Variants in TTC14 observed in about 807,000 individuals in gnomAD.
TTC14 encodes the protein tetratricopeptide repeat protein 14.
Under a neutral mutation model 79.9 loss-of-function variants are expected in TTC14, and 63 were observed. The ratio of observed to expected loss-of-function variants is 0.79; its 90% CI spans 0.64 to 0.97. The LOEUF (loss-of-function observed/expected upper bound fraction) is 0.97. Among genes scored for constraint, TTC14 ranks in the 50% least tolerant of loss-of-function variants. The pLI is 0.00. For synonymous variants in TTC14, 335 were observed against 309.6 expected (o/e 1.08, Z -0.86); for missense variants, 895 against 894.0 (o/e 1.00, Z -0.01).
At chr3:180,602,549 T>G in intron 1 of TTC14, 127 bp downstream of exon 1, 3 of 1,280,248 alleles carry the variant, frequency 2.3e-6, no homozygotes, top group Non-Finnish European at 3.1e-6. Flanking sequence ...GATCGCGCGC[T>G]GGTGTCTTGG....
At chr3:180,614,855 C>T (rs1717170139), downstream of TTC14, 29 of 1,401,256 alleles carry the variant, frequency 2.1e-5, no homozygotes, top group South Asian at 8.1e-5. Context: ...TGTGTTGGGT[C>T]GTTTTGTATT....
chr3:180,616,192 C>T (rs1365628734), intron 12 of TTC14: 2 of 1,093,748 alleles, frequency 1.8e-6, no homozygotes, highest in African/African-American at 3.1e-5. Context: ...ATGGGCCTGC[C>T]TAACAGCTGC....
At chr3:180,611,561 GAAT>G (rs915419179), downstream of TTC14, among the ~76,000 whole-genome samples, 1 of 152,168 alleles carries the variant, frequency 6.6e-6, no homozygotes, top group African/African-American at 2.4e-5. Flanking sequence ...GTTTTACTAA[GAAT>G]AATAAATTCC....
exon 13 of TTC14, chr3:180,617,417 G>A (rs997835740): frequency 3.0e-6 from 2 of 669,136 alleles, no homozygotes; most frequent in Non-Finnish European, 5.4e-6. Flanking sequence ...CTATAAAACA[G>A]CCTCAGGCAG....
chr3:180,615,084 G>T (rs1452446429), downstream of TTC14: 4 of 1,512,800 alleles, frequency 2.6e-6, no homozygotes, highest in Non-Finnish European at 8.8e-7. Flanking sequence ...TGACCTAGAA[G>T]AAAAACCAGA....
Position 180,604,244 on chromosome 3 carries a change from A to G in TTC14, c.506A>G (p.Asp169Gly). The G allele has an allele frequency of 6.2e-7, 1 of 1,613,506 alleles. No individual in the cohort carries two copies. Among genetic ancestry groups the G allele is most frequent in the Non-Finnish European group, 8.5e-7 (1 of 1,179,678 alleles). ...TTACAGGCTCTTTGTCCCTTAAGAGATGTGCCTTCTCACAGTAACCATGGG... is the reference window on the plus strand; with the variant it reads ...TTACAGGCTCTTTGTCCCTTAAGAGGTGTGCCTTCTCACAGTAACCATGGG... The part of the protein sequence containing the change: ...LEITALCPLR[D>G]VPSHSNHGDP... The change falls in exon 4 of 12, where the codon GAT becomes GGT. Residue 169 changes from aspartate to glycine, a missense_variant. Transcript: ENST00000296015.
In TTC14 at chr3:180,610,290, A is replaced by C. The variant is rs1182900965; in HGVS notation, c.2061A>C (p.Lys687Asn). The C allele has an allele frequency of 4.3e-6, 7 of 1,613,702 alleles. No homozygotes were observed. The Admixed American group carries it at 1.0e-4, about 23-fold the overall frequency. Residue 687 changes from lysine (K) to asparagine (N), a missense_variant, in exon 12 of 12, where the codon AAA (lysine) becomes AAC (asparagine). By Grantham distance (94) the Lys-to-Asn change is moderately conservative. Transcript: ENST00000296015. ...YSWKSVEKYK[K>N]YAHSGSRDFS... is the part of the protein sequence containing the mutation. ...GGAAGTCAGTTGAGAAATACAAAAA[A>C]TACGCTCACTCTGGATCACGTGATT...
chr3:180,611,514 CAG>C (rs1336083869), downstream of TTC14, among the ~76,000 whole-genome samples: 1 of 152,186 alleles, frequency 6.6e-6, no homozygotes, highest in African/African-American at 2.4e-5. Flanking sequence ...ACCCCTTTCT[CAG>C]AGTCTGAATA....
chr3:180,616,665 A>G (rs1717256032), intron 12 of TTC14: 1 of 1,592,224 alleles, frequency 6.3e-7, no homozygotes, highest in African/African-American at 1.3e-5. Flanking sequence ...GTGTCTTTCA[A>G]AAGACGGATT....
chr3:180,610,388 A>T lies in TTC14; in HGVS notation c.2159A>T (p.Glu720Val), dbSNP rs1418874519. 2 of 1,613,914 alleles carry T rather than the reference A, an allele frequency of 1.2e-6. No individual in the cohort carries two copies. The highest frequency in any genetic ancestry group is 1.7e-6 in the Non-Finnish European group (2 of 1,179,906). Residue 720 changes from glutamate to valine, a missense_variant, in exon 12 of 12, where the codon GAG becomes GTG. Transcript: ENST00000296015. Reference protein sequence around the residue: ...GEYEREDNYGEDIKTEVPEED... With the variant: ...GEYEREDNYGVDIKTEVPEED... ...TATGAAAGAGAGGACAATTATGGGG[A>T]GGATATCAAAACAGAGGTTCCAGAA...
chr3:180,608,750 A>C lies in TTC14; in HGVS notation c.1340A>C (p.Lys447Thr), dbSNP rs145306463. Residue 447 changes from lysine (K) to threonine (T), a missense_variant, in exon 11 of 12, where the codon AAA (lysine) becomes ACA (threonine). By Grantham distance (78) the Lys-to-Thr change is moderately conservative. Transcript: ENST00000296015. ...CAAGCTGAAAAGGAAGAAAAGCAGA[A>C]AACAAAGAAAATAGAAACAAGTGCA... ...EKQAEKEEKQKTKKIETSAEK... is the reference protein window; with the variant it reads ...EKQAEKEEKQTTKKIETSAEK... 6.3e-5 allele frequency: 98 copies of C among 1,562,104 alleles called. 1 individual carries two copies. The African/African-American group carries it at 1.3e-3, about 20-fold the overall frequency.
In TTC14 at chr3:180,606,258, A is replaced by C. The variant is rs1272932292; in HGVS notation, c.935A>C (p.Lys312Thr). ...TTTACAAATGTCTTTTTTAGTGTGA[A>C]GATCGGAGTTGACTATTTTAAAGTT... ...QSASWALKCV[K>T]IGVDYFKVGR... The change falls in exon 8 of 12, where the codon AAG (lysine) becomes ACG (threonine). Residue 312 changes from lysine (K) to threonine (T), a missense_variant. Physicochemically the swap from Lys to Thr is moderately conservative, Grantham distance 78 (BLOSUM62 -1). Transcript: ENST00000296015. 6.2e-6 allele frequency: 10 copies of C among 1,613,632 alleles called. No homozygotes were observed. Among genetic ancestry groups the C allele is most frequent in the Non-Finnish European group, 8.5e-6 (10 of 1,179,878 alleles).
Position 180,610,209 on chromosome 3 carries a change from G to T in TTC14, c.1980G>T (p.Arg660Ser), listed in dbSNP as rs546714396. The change falls in exon 12 of 12, where the codon AGG (arginine) becomes AGT (serine). Residue 660 changes from arginine (R) to serine (S), a missense_variant. Transcript: ENST00000296015. ...DIEGRKEHYRRWEPGSVRHST... is the reference protein window; with the variant it reads ...DIEGRKEHYRSWEPGSVRHST... ...AGGGAAGAAAAGAGCACTATAGAAG[G>T]TGGGAACCAGGTTCTGTGAGGCATT... 5 of 1,613,986 alleles carry T rather than the reference G, an allele frequency of 3.1e-6. No homozygotes were observed. Among genetic ancestry groups the T allele is most frequent in the Non-Finnish European group, 4.2e-6 (5 of 1,179,922 alleles).
At chr3:180,617,388 T>C (rs1264351007) in exon 13 of TTC14, 1 of 634,024 alleles carries the variant, frequency 1.6e-6, no homozygotes, top group Admixed American at 2.3e-5. Context: ...AGTGTACTCC[T>C]ATTTATTTAA....
In TTC14 at chr3:180,610,220, G is replaced by A; in HGVS notation, c.1991G>A (p.Gly664Asp). 2 of 1,613,970 alleles carry A rather than the reference G, an allele frequency of 1.2e-6. No individual in the cohort carries two copies. The highest frequency in any genetic ancestry group is 1.7e-6 in the Non-Finnish European group (2 of 1,179,926). The change falls in exon 12 of 12, where the codon GGT becomes GAT. Residue 664 changes from glycine (G) to aspartate (D), a missense_variant. Transcript: ENST00000296015. ...RKEHYRRWEP[G>D]SVRHSTSPAS... Reference sequence around the variant, plus strand: ...GAGCACTATAGAAGGTGGGAACCAGGTTCTGTGAGGCATTCTACCTCACCA... The same window carrying A: ...GAGCACTATAGAAGGTGGGAACCAGATTCTGTGAGGCATTCTACCTCACCA...
chr3:180,607,854 C>T, intron 10 of TTC14, 89 bp downstream of exon 10: 1 of 1,554,516 alleles, frequency 6.4e-7, no homozygotes, highest in African/African-American at 1.4e-5. Context: ...TTCTACATTA[C>T]TTAAGTAAGG....
chr3:180,605,098 T>C, intron 6 of TTC14, 91 bp downstream of exon 6: 1 of 1,314,816 alleles, frequency 7.6e-7, no homozygotes, highest in African/African-American at 1.5e-5. Flanking sequence ...TTTACCATCC[T>C]AAGCCACCTA....
rs1716477930 is a variant in TTC14 at position 180,603,201 on chromosome 3, G to C, written c.364G>C (p.Asp122His). Reference protein sequence around the residue: ...SMDRRELFFRDIERGDIVIGR... With the variant: ...SMDRRELFFRHIERGDIVIGR... Reference sequence around the variant, plus strand: ...GGATCGGAGAGAGCTGTTTTTCCGAGATATTGAGCGTGGTGATATAGTGAT... The same window carrying C: ...GGATCGGAGAGAGCTGTTTTTCCGACATATTGAGCGTGGTGATATAGTGAT... The change falls in exon 3 of 12, where the codon GAT becomes CAT. Residue 122 changes from aspartate to histidine, a missense_variant. Coordinates refer to ENST00000296015, the MANE Select transcript of TTC14 (RefSeq NM_133462.4). The C allele has an allele frequency of 6.2e-7, 1 of 1,613,900 alleles. No homozygotes were observed. Among genetic ancestry groups the C allele is most frequent in the African/African-American group, 1.3e-5 (1 of 74,868 alleles).
downstream of TTC14, chr3:180,617,904 T>G (rs1717307082): frequency 6.4e-6 from 1 of 155,492 alleles, no homozygotes; most frequent in African/African-American, 2.4e-5. Flanking sequence ...CACCACTCAC[T>G]CACTCAGTCA....
Sources: allele counts gnomAD v4.1 joint callset (sites outside exome capture counted in the v4.1 genomes callset), GRCh38; gene constraint gnomAD v4.1.1; transcripts MANE v1.5; gene names NCBI Gene and HGNC (gene_info 2026-07-23, HGNC 2026-07-21).